KCNG3: variants seen among roughly 807,000 people sequenced by gnomAD.
The protein encoded by KCNG3 is voltage-gated potassium channel regulatory subunit KCNG3.
A neutral mutation model predicts 29.0 loss-of-function variants in KCNG3; 15 were observed. The ratio of observed to expected loss-of-function variants is 0.52; its 90% confidence interval spans 0.35 to 0.80. The LOEUF (loss-of-function observed/expected upper bound fraction) is 0.80. Among genes scored for constraint, KCNG3 ranks in the 30% least tolerant of loss-of-function variants. The pLI is 0.01. For missense variants in KCNG3, 512 were observed against 605.7 expected (o/e 0.85, Z 1.62); for synonymous variants, 322 against 248.9 (o/e 1.29, Z -2.76).
At chr2:42,458,686 CA>C (rs1672939725) in intron 1 of KCNG3, among the ~76,000 whole-genome samples, 1 of 152,018 alleles carries the variant, frequency 6.6e-6, no homozygotes, top group Non-Finnish European at 1.5e-5. Context: ...GGAGTGTCTG[CA>C]GTGTAGCCCG....
the KCNG3 span, among the ~76,000 whole-genome samples, chr2:42,404,751 G>A: frequency 2.6e-5 from 4 of 152,022 alleles, no homozygotes; most frequent in East Asian, 7.7e-4. Flanking sequence ...TGGAAAGTAG[G>A]GAACCAGATG....
At chr2:42,440,701 A>G (rs911516643), downstream of KCNG3, among the ~76,000 whole-genome samples, 1 of 152,230 alleles carries the variant, frequency 6.6e-6, no homozygotes, top group African/African-American at 2.4e-5. Context: ...GGGTACTTAT[A>G]GGTAATGACC....
At chr2:42,464,623 C>A (rs1439527862) in intron 1 of KCNG3, among the ~76,000 whole-genome samples, 1 of 152,190 alleles carries the variant, frequency 6.6e-6, no homozygotes, top group East Asian at 1.9e-4. Context: ...CCATCTGCTC[C>A]AACTAATGGA....
At chr2:42,477,813 A>C (rs903613106) in intron 1 of KCNG3, among the ~76,000 whole-genome samples, 3 of 151,888 alleles carry the variant, frequency 2.0e-5, no homozygotes, top group African/African-American at 4.8e-5. Flanking sequence ...CAGGAGACAG[A>C]AGTTGCAGTG....
chr2:42,415,100 G>T, the KCNG3 span, among the ~76,000 whole-genome samples: 4 of 152,094 alleles, frequency 2.6e-5, no homozygotes, highest in Non-Finnish European at 1.5e-5. Flanking sequence ...CTTATCTTGG[G>T]AGTTTTTTCC....
chr2:42,451,607 C>T (rs1003665307), intron 1 of KCNG3, among the ~76,000 whole-genome samples: 1 of 152,046 alleles, frequency 6.6e-6, no homozygotes, highest in African/African-American at 2.4e-5. Flanking sequence ...CGCCTGTAAT[C>T]CCAGCTACTC....
At chr2:42,446,396 C>G (rs921725658) in intron 1 of KCNG3, among the ~76,000 whole-genome samples, 2 of 152,040 alleles carry the variant, frequency 1.3e-5, no homozygotes, top group Non-Finnish European at 2.9e-5. Flanking sequence ...CCAGGCTGGT[C>G]TCAGACTTCT....
chr2:42,486,543 T>C (rs948824524), intron 1 of KCNG3, among the ~76,000 whole-genome samples: 1 of 152,198 alleles, frequency 6.6e-6, no homozygotes, highest in African/African-American at 2.4e-5. Context: ...ATAGGTCCCA[T>C]TGCCCTCCAA....
At chr2:42,447,921 T>A (rs553553240) in intron 1 of KCNG3, among the ~76,000 whole-genome samples, 1 of 152,168 alleles carries the variant, frequency 6.6e-6, no homozygotes, top group Admixed American at 6.6e-5. Flanking sequence ...TCAGAGAAGA[T>A]ACATATGTAT....
chr2:42,464,922 A>C lies in KCNG3; in HGVS notation c.666-20343T>G, dbSNP rs143150158. Among the ~76,000 whole-genome samples the C allele has an allele frequency of 4.2e-3, 641 of 152,318 alleles. 2 individuals are homozygous for C. Among genetic ancestry groups the C allele is most frequent in the African/African-American group, 0.015 (613 of 41,562 alleles). ...GTGTGTCTTTAAAAAAAACAAACAA[A>C]AAACACTATATTGCCTAATCATGGC... On this transcript the variant is annotated intron_variant, in intron 1 of 1. Coordinates refer to ENST00000306078, the MANE Select transcript of KCNG3 (RefSeq NM_133329.6).
chr2:42,466,856 G>A (rs1673155364), intron 1 of KCNG3, among the ~76,000 whole-genome samples: 1 of 150,848 alleles, frequency 6.6e-6, no homozygotes, highest in South Asian at 2.1e-4. Context: ...GGGTTCAAGC[G>A]ATTCTCCTGC....
intron 1 of KCNG3, among the ~76,000 whole-genome samples, chr2:42,460,537 GTGCATTAAGT>G (rs1342437337): frequency 1.3e-5 from 2 of 152,168 alleles, no homozygotes; most frequent in Non-Finnish European, 2.9e-5. Context: ...TATAATTGAT[GTGCATTAAGT>G]TCAGAAGAAG....
intron 1 of KCNG3, among the ~76,000 whole-genome samples, chr2:42,486,847 G>A (rs1453119062): frequency 6.6e-6 from 1 of 152,124 alleles, no homozygotes; most frequent in Admixed American, 6.5e-5. Flanking sequence ...GAGCTCAAGA[G>A]TTGATGAATG....
Position 42,493,292 on chromosome 2 carries a change from G to C in KCNG3, c.210C>G (p.Phe70Leu). 2.5e-6 allele frequency: 4 copies of C among 1,611,648 alleles called. No homozygotes were observed. The highest frequency in any genetic ancestry group is 3.4e-6 in the Non-Finnish European group (4 of 1,179,468). The change falls in exon 1 of 2, where the codon TTC (phenylalanine) becomes TTG (leucine). Residue 70 changes from phenylalanine to leucine, a missense_variant. Around this residue, in one of 5 missense-constraint regions of KCNG3, gnomAD observed 91 missense variants for 91.1 expected, o/e 1.00. Transcript: ENST00000306078. Reference protein sequence around the residue: ...EYFFDRHSEAFGFILLYVRGH... With the variant: ...EYFFDRHSEALGFILLYVRGH... ...CGCGCACGTAGAGCAGGATGAAGCCGAAGGCCTCCGAGTGCCGGTCGAAGA... is the reference window on the plus strand; with the variant it reads ...CGCGCACGTAGAGCAGGATGAAGCCCAAGGCCTCCGAGTGCCGGTCGAAGA...
At chr2:42,403,477 G>GGT in the KCNG3 span, among the ~76,000 whole-genome samples, 11 of 87,762 alleles carry the variant, frequency 1.3e-4, no homozygotes, top group African/African-American at 5.0e-4. Context: ...TTTCTTTTCT[G>GGT]TTTTTTTTTT....
the KCNG3 span, among the ~76,000 whole-genome samples, chr2:42,422,682 A>T: frequency 6.6e-6 from 1 of 152,160 alleles, no homozygotes; most frequent in Non-Finnish European, 1.5e-5. Context: ...AGGACTCCAT[A>T]GTAGGAGGGA....
intron 1 of KCNG3, among the ~76,000 whole-genome samples, chr2:42,489,974 C>G (rs1012205957): frequency 1.3e-5 from 2 of 152,228 alleles, no homozygotes; most frequent in South Asian, 2.1e-4. Flanking sequence ...AATCTTCCCT[C>G]TCTCCAAATC....
intron 1 of KCNG3, among the ~76,000 whole-genome samples, chr2:42,476,129 C>A: frequency 6.6e-6 from 1 of 152,036 alleles, no homozygotes; most frequent in East Asian, 1.9e-4. Context: ...AAAGTAAGTA[C>A]AGTTTTTTAA....
At chr2:42,469,317 C>T (rs1037597027) in intron 1 of KCNG3, among the ~76,000 whole-genome samples, 3 of 150,428 alleles carry the variant, frequency 2.0e-5, no homozygotes, top group South Asian at 2.1e-4. Context: ...CTCAGGAGGC[C>T]GAGGCAGAAG....
Sources: allele counts gnomAD v4.1 joint callset (sites outside exome capture counted in the v4.1 genomes callset), GRCh38; gene constraint gnomAD v4.1.1; regional missense constraint gnomAD v4.1.1; transcripts MANE v1.5; gene names NCBI Gene and HGNC (gene_info 2026-07-23, HGNC 2026-07-21).